The following BCR variants were observed in gnomAD, a reference collection of about 807,000 sequenced individuals.
The protein encoded by BCR is breakpoint cluster region protein.
A neutral mutation model predicts 138.6 loss-of-function variants in BCR; 58 were observed. The ratio of observed to expected loss-of-function variants is 0.42; its 90% CI spans 0.34 to 0.52. The LOEUF is 0.52. Among genes scored for constraint, BCR ranks in the 20% least tolerant of loss-of-function variants. The pLI, the probability that BCR is intolerant of heterozygous loss-of-function variation, is 0.06. For missense variants in BCR, 1,599 were observed against 1,727.2 expected (o/e 0.93, Z 1.32); for synonymous variants, 786 against 730.1 (o/e 1.08, Z -1.23).
At chr22:23,196,782 C>A (rs8137846) in intron 1 of BCR, among the ~76,000 whole-genome samples, 38,571 of 151,900 alleles carry the variant, frequency 0.25, 5,037 homozygotes, top group East Asian at 0.35. Context: ...GCCGGCCTGA[C>A]AGGAGGTAGA....
Position 23,317,554 on chromosome 22 carries a change from CTG to C in BCR, c.*2035_*2036del. The C allele has an allele frequency of 7.4e-6, 1 of 135,378 alleles. No individual in the cohort carries two copies. The highest frequency in any genetic ancestry group is 1.4e-5 in the Non-Finnish European group (1 of 72,314). 8.4% of individuals were successfully genotyped at this position (135,378 alleles called of 1,614,324 possible). A position where few individuals can be genotyped will look rare whatever the true frequency, so the allele number is the denominator to read the frequency against. On this transcript the variant is annotated 3_prime_UTR_variant, in exon 23 of 23. Coordinates refer to ENST00000305877, the MANE Select transcript of BCR (RefSeq NM_004327.4). Reference sequence around the variant, plus strand: ...AAACTGGAAACCAGTCTATCAATGTCTGTGCCAATTTTTTATTCCCTCCCCAA... The same window carrying C: ...AAACTGGAAACCAGTCTATCAATGTCTGCCAATTTTTTATTCCCTCCCCAA...
At chr22:23,281,994 G>T (rs959507731) in intron 8 of BCR, among the ~76,000 whole-genome samples, 1 of 152,202 alleles carries the variant, frequency 6.6e-6, no homozygotes, top group Non-Finnish European at 1.5e-5. Flanking sequence ...TGAGCATGGG[G>T]TGCCCTCTGC....
Position 23,315,876 on chromosome 22 carries a change from T to TG in BCR, c.*355dup. 1 of 426,994 alleles carries TG rather than the reference T, an allele frequency of 2.3e-6. No homozygotes were observed. Among genetic ancestry groups the TG allele is most frequent in the East Asian group, 4.2e-5 (1 of 23,704 alleles). 26.5% of individuals were successfully genotyped at this position (426,994 alleles called of 1,614,324 possible). On this transcript the variant is annotated 3_prime_UTR_variant, in exon 23 of 23. Coordinates refer to ENST00000305877, the MANE Select transcript of BCR (RefSeq NM_004327.4). ...ATTTCTACTGGATCACTTGTCAAGA[T>TG]GCGCCCTCTCTGGGGAGAAGGGAAC...
intron 7 of BCR, among the ~76,000 whole-genome samples, 186 bp downstream of exon 7, chr22:23,273,319 C>T (rs924982978): frequency 6.6e-6 from 1 of 152,086 alleles, no homozygotes; most frequent in African/African-American, 2.4e-5. Flanking sequence ...TCTCTTGTCC[C>T]TCCACAAAGA....
At chr22:23,255,432 A>G (rs1025850570) in intron 2 of BCR, among the ~76,000 whole-genome samples, 8 of 152,136 alleles carry the variant, frequency 5.3e-5, no homozygotes, top group African/African-American at 1.7e-4. Context: ...TGATTCTTCA[A>G]TGGGCACACT....
intron 1 of BCR, among the ~76,000 whole-genome samples, chr22:23,233,807 A>G (rs960967176): frequency 5.1e-5 from 5 of 97,794 alleles, no homozygotes; most frequent in South Asian, 7.1e-4. Context: ...AAAAAAAGAA[A>G]AAAAAGAAAA....
Position 23,181,345 on chromosome 22 carries a change from G to T in BCR, c.385G>T (p.Gly129Trp), listed in dbSNP as rs1321316009. 1 of 1,494,434 alleles carries T rather than the reference G, an allele frequency of 6.7e-7. No homozygotes were observed. The highest frequency in any genetic ancestry group is 2.4e-5 in the East Asian group (1 of 41,240). The allele number at this position is 1,494,434 out of a possible 1,614,324, so 92.6% of individuals were successfully genotyped here. ...GGGTTCTCCGGGTAAGGCCAGGCCCGGGACCGCCCGCAGGCCCGGGGCAGC... is the reference window on the plus strand; with the variant it reads ...GGGTTCTCCGGGTAAGGCCAGGCCCTGGACCGCCCGCAGGCCCGGGGCAGC... Reference protein sequence around the residue: ...GEGSPGKARPGTARRPGAAAS... With the variant: ...GEGSPGKARPWTARRPGAAAS... The change falls in exon 1 of 23, where the codon GGG becomes TGG. Residue 129 changes from glycine to tryptophan, a missense_variant. By Grantham distance (184) the Gly-to-Trp change is radical. Around this residue, in one of 4 missense-constraint regions of BCR, gnomAD observed 806 missense variants for 635.0 expected, o/e 1.27. Transcript: ENST00000305877.
intron 1 of BCR, among the ~76,000 whole-genome samples, chr22:23,239,018 G>C (rs1258283552): frequency 6.6e-6 from 1 of 152,178 alleles, no homozygotes; most frequent in African/African-American, 2.4e-5. Flanking sequence ...GGGCCCAGCA[G>C]GGTTCATAGG....
In BCR at chr22:23,273,708, C is replaced by T; in HGVS notation, c.2049C>T (p.Asn683=). 6.2e-7 allele frequency: 1 copy of T among 1,614,160 alleles called. No individual in the cohort carries two copies. Among genetic ancestry groups the T allele is most frequent in the Non-Finnish European group, 8.5e-7 (1 of 1,180,038 alleles). ...AGGACGCCCTCCGCATCTCACAGAA[C>T]TTCCTGTCCAGCATCAATGAGGAGA... ...LLQDALRISQ[N]FLSSINEEIT... is the part of the protein sequence containing the mutation. The change falls in exon 8 of 23, where the codon AAC becomes AAT. Residue 683 remains asparagine, a synonymous_variant. Coordinates refer to ENST00000305877, the MANE Select transcript of BCR (RefSeq NM_004327.4).
intron 4 of BCR, chr22:23,261,748 T>C: frequency 2.9e-6 from 1 of 344,794 alleles, no homozygotes; most frequent in Non-Finnish European, 5.1e-6. Flanking sequence ...TTTTTTTTTC[T>C]AATTTATATT....
intron 12 of BCR, among the ~76,000 whole-genome samples, chr22:23,288,512 C>T (rs1053933955): frequency 2.0e-5 from 3 of 151,886 alleles, no homozygotes; most frequent in Non-Finnish European, 4.4e-5. Context: ...GCCCATACAC[C>T]GCACCCCCGG....
intron 1 of BCR, among the ~76,000 whole-genome samples, chr22:23,190,279 C>T (rs577885997): frequency 2.2e-4 from 33 of 152,204 alleles, no homozygotes; most frequent in African/African-American, 7.2e-4. Context: ...GCAATTCTCC[C>T]GCCTCAGCCT....
At chr22:23,213,650 TC>T (rs919814074) in intron 1 of BCR, among the ~76,000 whole-genome samples, 1 of 152,004 alleles carries the variant, frequency 6.6e-6, no homozygotes, top group African/African-American at 2.4e-5. Flanking sequence ...AAGTGAGAGC[TC>T]GTCTCTCCAA....
chr22:23,185,392 G>A (rs920782062), intron 1 of BCR, among the ~76,000 whole-genome samples: 9 of 152,278 alleles, frequency 5.9e-5, no homozygotes, highest in Admixed American at 2.0e-4. Context: ...CCGGCCGGGC[G>A]CGGTGGCTCA....
intron 15 of BCR, 80 bp downstream of exon 15, chr22:23,292,718 A>G: frequency 3.9e-6 from 5 of 1,290,866 alleles, no homozygotes; most frequent in South Asian, 3.8e-5. Flanking sequence ...CTAAACCTTC[A>G]GGGGCTCCCT....
At chr22:23,186,650 T>C (rs1269331653) in intron 1 of BCR, among the ~76,000 whole-genome samples, 3 of 152,242 alleles carry the variant, frequency 2.0e-5, no homozygotes, top group Non-Finnish European at 2.9e-5. Flanking sequence ...GGCATTCGTC[T>C]TTTTGTGATT....
chr22:23,238,468 C>T (rs2073050349), intron 1 of BCR, among the ~76,000 whole-genome samples: 1 of 152,126 alleles, frequency 6.6e-6, no homozygotes, highest in African/African-American at 2.4e-5. Context: ...CAGCTCACCC[C>T]TAGTTCAGCC....
At chr22:23,308,087 C>A (rs2073968812) in intron 16 of BCR, among the ~76,000 whole-genome samples, 1 of 148,814 alleles carries the variant, frequency 6.7e-6, no homozygotes, top group South Asian at 2.1e-4. Context: ...GTGGTCCCTG[C>A]TGTTAGGCAG....
chr22:23,210,930 C>T (rs2072674563), intron 1 of BCR, among the ~76,000 whole-genome samples: 1 of 152,166 alleles, frequency 6.6e-6, no homozygotes, highest in Admixed American at 6.5e-5. Flanking sequence ...CCATAGAGTT[C>T]ACCCGTTTAA....
Sources: gnomAD v4.1 joint callset for allele counts (sites outside exome capture counted in the v4.1 genomes callset) on GRCh38, gnomAD v4.1.1 for gene constraint, gnomAD v4.1.1 regional missense constraint, MANE v1.5 for transcripts, NCBI Gene and HGNC (gene_info 2026-07-23, HGNC 2026-07-21) for gene names.